The following DOP1A variants were observed in gnomAD, a reference collection of about 807,000 sequenced individuals.
DOP1A encodes DOP1 leucine zipper like protein A, also known as protein DOP1A.
In DOP1A, 90 loss-of-function variants were observed where a neutral mutation model predicts 267.6. The observed-to-expected ratio is 0.34, with a 90% confidence interval of 0.28 to 0.40. DOP1A has a LOEUF of 0.40. Among genes scored for constraint, DOP1A ranks in the 10% least tolerant of loss-of-function variants. The pLI is 1.00. For missense variants in DOP1A, 2,437 were observed against 2,900.4 expected, an observed-to-expected ratio of 0.84 and a Z score of 3.67; for synonymous variants, 932 against 999.1, an observed-to-expected ratio of 0.93 and a Z score of 1.27.
intron 38 of DOP1A, among the ~76,000 whole-genome samples, chr6:83,163,874 T>G (rs1287809850): frequency 6.6e-6 from 1 of 152,056 alleles, no homozygotes; most frequent in Non-Finnish European, 1.5e-5. Context: ...TTAAAAAGTG[T>G]AGGAAAATAA....
In DOP1A at chr6:83,132,140, G is replaced by A; in HGVS notation, c.2617-36G>A. 3 of 1,581,744 alleles carry A rather than the reference G, an allele frequency of 1.9e-6. No individual in the cohort carries two copies. The South Asian group carries it at 3.4e-5, about 18-fold the overall frequency. On this transcript the variant is annotated intron_variant, in intron 17 of 38. Coordinates refer to ENST00000349129, the MANE Select transcript of DOP1A (RefSeq NM_015018.4). Reference sequence around the variant, plus strand: ...AAATATTTGTTAAATTTTCATGTATGGTATTGTGACTGTCACTTTTACATC... The same window carrying A: ...AAATATTTGTTAAATTTTCATGTATAGTATTGTGACTGTCACTTTTACATC...
chr6:83,128,988 A>G lies in DOP1A; in HGVS notation c.1821A>G (p.Gln607=), dbSNP rs915296685. Residue 607 remains glutamine (Q), a synonymous_variant, in exon 16 of 39, where the codon CAA becomes CAG. Transcript: ENST00000349129. The part of the protein sequence containing the change: ...SSESGFTEFI[Q]YQADRTDDID... ...AGAGTGGATTCACTGAGTTTATACAATATCAAGCAGACCGAACTGATGATA... is the reference window on the plus strand; with the variant it reads ...AGAGTGGATTCACTGAGTTTATACAGTATCAAGCAGACCGAACTGATGATA... 15 of 1,612,252 alleles carry G rather than the reference A, an allele frequency of 9.3e-6. 1 individual carries two copies. The highest frequency in any genetic ancestry group is 6.7e-5 in the East Asian group (3 of 44,890).
chr6:83,071,421 G>T (rs1249612871), intron 1 of DOP1A, among the ~76,000 whole-genome samples: 1 of 152,144 alleles, frequency 6.6e-6, no homozygotes, highest in East Asian at 1.9e-4. Context: ...TGGTCACGCT[G>T]GTCTCAAACT....
At chr6:83,093,915 AAAAC>A (rs992024010) in intron 1 of DOP1A, among the ~76,000 whole-genome samples, 8 of 152,210 alleles carry the variant, frequency 5.3e-5, no homozygotes, top group African/African-American at 1.4e-4. Flanking sequence ...CTCCGTCTCA[AAAAC>A]AAACAAACAA....
intron 1 of DOP1A, among the ~76,000 whole-genome samples, chr6:83,093,282 C>G (rs1249537417): frequency 6.6e-6 from 1 of 152,188 alleles, no homozygotes; most frequent in East Asian, 1.9e-4. Flanking sequence ...TGACTACTCT[C>G]TCCAAAGATA....
chr6:83,068,185 G>A (rs934934217), intron 1 of DOP1A, among the ~76,000 whole-genome samples: 1 of 152,206 alleles, frequency 6.6e-6, no homozygotes, highest in Non-Finnish European at 1.5e-5. Flanking sequence ...TTTGTTGAAG[G>A]AATCGAGGCG....
At chr6:83,163,124 C>T (rs766967956) in intron 38 of DOP1A, among the ~76,000 whole-genome samples, 1 of 151,928 alleles carries the variant, frequency 6.6e-6, no homozygotes, top group African/African-American at 2.4e-5. Flanking sequence ...AAGGAATATG[C>T]GGTTATTCAT....
At chr6:83,093,811 C>T (rs1396233522) in intron 1 of DOP1A, among the ~76,000 whole-genome samples, 1 of 152,166 alleles carries the variant, frequency 6.6e-6, no homozygotes, top group Non-Finnish European at 1.5e-5. Flanking sequence ...GAGGCTGAAG[C>T]AGGAGAATCG....
At position 83,129,150 on chromosome 6, in the gene DOP1A, A is replaced by C; in HGVS notation, c.1983A>C (p.Thr661=). 6.2e-7 allele frequency: 1 copy of C among 1,613,266 alleles called. No homozygotes were observed. The highest frequency in any genetic ancestry group is 8.5e-7 in the Non-Finnish European group (1 of 1,179,608). Residue 661 remains threonine, a synonymous_variant, in exon 16 of 39, where the codon ACA becomes ACC. Transcript: ENST00000349129. The stretch of plus-strand genomic sequence containing the variant: ...CCCCTTCCGTAGTCACTCAGGGGAC[A>C]GCAACCCGAAGTAGGAAGACAGCCC... The part of the protein sequence containing the change: ...IQTPSVVTQG[T]ATRSRKTAQK...
Position 83,134,270 on chromosome 6 carries a change from T to C in DOP1A, c.2853T>C (p.Phe951=). 6.2e-7 allele frequency: 1 copy of C among 1,612,106 alleles called. No individual in the cohort carries two copies. The highest frequency in any genetic ancestry group is 8.5e-7 in the Non-Finnish European group (1 of 1,179,026). Residue 951 remains phenylalanine, a synonymous_variant, in exon 19 of 39, where the codon TTT becomes TTC. Transcript: ENST00000349129. ...RDLHINKSSS[F]VRSFDRSLFI... ...TCCATATAAATAAATCTTCATCTTT[T>C]GTACGTTCTTTTGACAGGTCAGTTA...
At chr6:83,091,042 A>G (rs1770283620) in intron 1 of DOP1A, among the ~76,000 whole-genome samples, 1 of 151,960 alleles carries the variant, frequency 6.6e-6, no homozygotes, top group Non-Finnish European at 1.5e-5. Flanking sequence ...AAGCCTCACA[A>G]TCATGGGGAA....
intron 37 of DOP1A, 28 bp from the exon 38 acceptor site, chr6:83,162,762 G>T (rs1433905828): frequency 3.2e-6 from 5 of 1,587,150 alleles, no homozygotes; most frequent in Middle Eastern, 1.7e-4. Flanking sequence ...CTGTCTTACT[G>T]ATGCTGATGT....
At chr6:83,152,699 C>CCA (rs1412153500) in intron 30 of DOP1A, among the ~76,000 whole-genome samples, 3 of 150,284 alleles carry the variant, frequency 2.0e-5, no homozygotes, top group African/African-American at 4.9e-5. Context: ...CTCACTGCAA[C>CCA]CTCTGCCTCC....
chr6:83,112,429 G>T (rs1173660658), intron 6 of DOP1A, among the ~76,000 whole-genome samples: 2 of 151,986 alleles, frequency 1.3e-5, no homozygotes, highest in Non-Finnish European at 2.9e-5. Flanking sequence ...TGTAAAACTG[G>T]TGGGAATATA....
Position 83,096,940 on chromosome 6 carries a change from G to C in DOP1A, c.-38G>C. The C allele has an allele frequency of 6.2e-7, 1 of 1,602,018 alleles. No homozygotes were observed. Among genetic ancestry groups the C allele is most frequent in the Non-Finnish European group, 8.5e-7 (1 of 1,175,314 alleles). On this transcript the variant is annotated 5_prime_UTR_variant, in exon 3 of 39. The change abolishes an upstream ATG in the 5' untranslated region. Transcript: ENST00000349129. Reference sequence around the variant, plus strand: ...TCTTTTGTAGGTAATGACTTTACATGAGTTTGGAACTGGTCTCTAGTGGGA... The same window carrying C: ...TCTTTTGTAGGTAATGACTTTACATCAGTTTGGAACTGGTCTCTAGTGGGA...
At chr6:83,082,720 A>C (rs1208850698) in intron 1 of DOP1A, among the ~76,000 whole-genome samples, 1 of 152,218 alleles carries the variant, frequency 6.6e-6, no homozygotes, top group Admixed American at 6.5e-5. Context: ...ACCATTACAC[A>C]GTGTGTATAT....
In DOP1A at chr6:83,120,724, G is replaced by A; in HGVS notation, c.1032G>A (p.Glu344=). 1.3e-6 allele frequency: 2 copies of A among 1,587,124 alleles called. No individual in the cohort carries two copies. The highest frequency in any genetic ancestry group is 1.7e-6 in the Non-Finnish European group (2 of 1,160,940). The change falls in exon 10 of 39, where the codon GAG becomes GAA. Residue 344 remains glutamate (E), a synonymous_variant. Coordinates refer to ENST00000349129, the MANE Select transcript of DOP1A (RefSeq NM_015018.4). ...TACAAGTGAATGGATTTGGAGAAGA[G>A]AACACTCTAATGCAGGATCTAAAGC... ...GILQVNGFGE[E]NTLMQDLKPF... is the part of the protein sequence containing the mutation.
chr6:83,169,213 T>C (rs1363354696), downstream of DOP1A: 1 of 1,613,606 alleles, frequency 6.2e-7, no homozygotes, highest in Admixed American at 1.7e-5. Flanking sequence ...GTCCAGTTTC[T>C]CAGGAATATG....
chr6:83,166,861 T>G (rs1380718103), intron 38 of DOP1A: 27 of 996,524 alleles, frequency 2.7e-5, no homozygotes, highest in Non-Finnish European at 3.2e-5. Context: ...AAACTCCATT[T>G]GTTAATATGA....
Sources: allele counts gnomAD v4.1 joint callset (sites outside exome capture counted in the v4.1 genomes callset), GRCh38; gene constraint gnomAD v4.1.1; transcripts MANE v1.5; gene names NCBI Gene and HGNC (gene_info 2026-07-23, HGNC 2026-07-21).